Variants in CADPS observed in about 807,000 individuals in gnomAD.
The protein encoded by CADPS is calcium dependent secretion activator.
CADPS carries 57 observed loss-of-function variants against 167.3 expected under a neutral mutation model. The ratio of observed to expected loss-of-function variants is 0.34; its 90% CI spans 0.28 to 0.42. The LOEUF is 0.42. Ranked by LOEUF, CADPS falls within the 20% of genes least tolerant of loss-of-function variation. The probability of loss-of-function intolerance (pLI) is 1.00; values close to 1 mark genes in which losing one functional copy is unlikely to be tolerated. For missense variants in CADPS, 1,414 were observed against 1,738.1 expected (o/e 0.81, Z 3.32); for synonymous variants, 676 against 635.3 (o/e 1.06, Z -0.96).
At chr3:62,865,142 C>T (rs1276809038) in intron 1 of CADPS, among the ~76,000 whole-genome samples, 1 of 152,140 alleles carries the variant, frequency 6.6e-6, no homozygotes, top group Non-Finnish European at 1.5e-5. Context: ...GGATATACTT[C>T]AACTCATTTG....
At chr3:62,427,973 A>G (rs1446386450) in intron 28 of CADPS, among the ~76,000 whole-genome samples, 2 of 152,220 alleles carry the variant, frequency 1.3e-5, no homozygotes, top group African/African-American at 4.8e-5. Flanking sequence ...CAAGACCTGG[A>G]GCTTTGTTGG....
rs139255066 is a variant in CADPS at position 62,831,817 on chromosome 3, T to C, written c.441+42772A>G. Among the ~76,000 whole-genome samples the C allele has an allele frequency of 3.5e-4, 54 of 152,312 alleles. 1 individual carries two copies. Among genetic ancestry groups the C allele is most frequent in the African/African-American group, 1.3e-3 (52 of 41,580 alleles). On this transcript the variant is annotated intron_variant, in intron 1 of 29. Transcript: ENST00000383710. ...TGAATTGACCACTTACACAGTGCTA[T>C]AAGCCTAACTAAATCTTTGTATTAA...
intron 28 of CADPS, among the ~76,000 whole-genome samples, chr3:62,436,123 A>G (rs2054979491): frequency 1.3e-5 from 2 of 152,144 alleles, no homozygotes; most frequent in Non-Finnish European, 2.9e-5. Context: ...AAGAGCCACA[A>G]AAGAGATAAT....
At chr3:62,490,208 C>G (rs2063473493) in intron 21 of CADPS, among the ~76,000 whole-genome samples, 1 of 152,060 alleles carries the variant, frequency 6.6e-6, no homozygotes, top group Non-Finnish European at 1.5e-5. Flanking sequence ...TTCTGGAGTT[C>G]CTAAAATGTG....
chr3:62,766,160 T>G (rs746175884), intron 1 of CADPS, among the ~76,000 whole-genome samples, 176 bp from the exon 2 acceptor site: 1 of 152,172 alleles, frequency 6.6e-6, no homozygotes, highest in Non-Finnish European at 1.5e-5. Context: ...ACACAGCCAT[T>G]ATTTTAAAAT....
In CADPS at chr3:62,536,507, G is replaced by C; in HGVS notation, c.2041C>G (p.Leu681Val). 1 of 1,613,348 alleles carries C rather than the reference G, an allele frequency of 6.2e-7. No individual in the cohort carries two copies. ...GTAAGGCGTTGTACCATCTCAAAGA[G>C]GGAAGCGTGGTCAAAGTTACAGGGG... Reference protein sequence around the residue: ...SNPCNFDHASLFEMVQRLTLD... With the variant: ...SNPCNFDHASVFEMVQRLTLD... Residue 681 changes from leucine to valine, a missense_variant, in exon 12 of 30, where the codon CTC (leucine) becomes GTC (valine). Leu to Val is a conservative substitution (Grantham distance 32). Around this residue, in one of 6 missense-constraint regions of CADPS, gnomAD observed 529 missense variants for 629.6 expected, o/e 0.84. Transcript: ENST00000383710.
chr3:62,844,405 T>C, intron 1 of CADPS, among the ~76,000 whole-genome samples: 1 of 152,174 alleles, frequency 6.6e-6, no homozygotes, highest in Non-Finnish European at 1.5e-5. Flanking sequence ...TTTGACATAA[T>C]TGCCTGTTCC....
rs150198726 is a variant in CADPS, at chr3:62,540,275, C to T, written c.1967-3694G>A. On this transcript the variant is annotated intron_variant, in intron 11 of 29. Transcript: ENST00000383710. Reference sequence around the variant, plus strand: ...CCCCTGTATAACCAATTCCTATGTCCTGTTTCTGTGTTTTCATTGGGTTAT... The same window carrying T: ...CCCCTGTATAACCAATTCCTATGTCTTGTTTCTGTGTTTTCATTGGGTTAT... Among the ~76,000 whole-genome samples, 182 of 151,714 alleles carry T rather than the reference C, an allele frequency of 1.2e-3. 1 individual carries two copies. Among genetic ancestry groups the T allele is most frequent in the African/African-American group, 4.3e-3 (176 of 41,358 alleles).
intron 6 of CADPS, among the ~76,000 whole-genome samples, chr3:62,631,152 A>AT (rs2065208451): frequency 6.6e-6 from 1 of 151,660 alleles, no homozygotes; most frequent in African/African-American, 2.4e-5. Flanking sequence ...ACACACACTT[A>AT]TTTTTTCTAT....
chr3:62,874,880 G>C lies in CADPS; in HGVS notation c.150C>G (p.Gly50=). ...CCCCGGCTCCGGCGCCGGCGCCGCC[G>C]CCCCCCAGCCCGGCGCTGCCGGCCG... ...EGSAGSAGLG[G]GGAGAGAGVG... The change falls in exon 1 of 30, where the codon GGC becomes GGG. Residue 50 remains glycine (G), a synonymous_variant. Transcript: ENST00000383710. This position sits in a 1 kb window ranked among gnomAD's most constrained non-coding sequence, Gnocchi z 7.1. 2.5e-6 allele frequency: 3 copies of C among 1,189,866 alleles called. No individual in the cohort carries two copies. Among genetic ancestry groups the C allele is most frequent in the Non-Finnish European group, 3.1e-6 (3 of 961,872 alleles). The allele number at this position is 1,189,866 out of a possible 1,614,324, so 73.7% of individuals were successfully genotyped here.
At chr3:62,859,156 T>C (rs2080274600) in intron 1 of CADPS, among the ~76,000 whole-genome samples, 1 of 152,202 alleles carries the variant, frequency 6.6e-6, no homozygotes, top group Non-Finnish European at 1.5e-5. Context: ...AATTTGGGCA[T>C]ATACAATATA....
intron 1 of CADPS, among the ~76,000 whole-genome samples, chr3:62,853,152 C>G (rs552841877): frequency 1.3e-5 from 2 of 152,128 alleles, no homozygotes; most frequent in African/African-American, 4.8e-5. Flanking sequence ...GGAAATGTCA[C>G]TGTGATCAAT....
chr3:62,484,470 T>C (rs2062511544), intron 21 of CADPS, among the ~76,000 whole-genome samples: 1 of 152,194 alleles, frequency 6.6e-6, no homozygotes, highest in Non-Finnish European at 1.5e-5. Context: ...TATGCATCTC[T>C]GAGAGAATCA....
rs1251062716 is a variant in CADPS, at chr3:62,420,541, A to C, written c.3778-17356T>G. 6.6e-6 allele frequency among the ~76,000 whole-genome samples: 1 copy of C among 152,128 alleles called. No individual in the cohort carries two copies. Among genetic ancestry groups the C allele is most frequent in the Non-Finnish European group, 1.5e-5 (1 of 68,030 alleles). ...GAGGGAAGATGGCAGCAGATTGGGG[A>C]GAGCATGGCAGGCAGCACAGGTGGA... is the stretch of plus-strand genomic sequence containing the variant. On this transcript the variant is annotated intron_variant, in intron 28 of 29. Transcript: ENST00000383710. The surrounding 1 kb of genome is among the most constrained non-coding windows in gnomAD (Gnocchi z 4.1).
chr3:62,520,980 C>T lies in CADPS; in HGVS notation c.2292-2730G>A, dbSNP rs1399735649. Among the ~76,000 whole-genome samples, 4 of 152,260 alleles carry T rather than the reference C, an allele frequency of 2.6e-5. No individual in the cohort carries two copies. In the East Asian group the frequency reaches 7.7e-4, roughly 29 times the overall value. Reference sequence around the variant, plus strand: ...ACTATTAACTGAAAAATTCAGGTTACATGCTTTGGAGAGTACTGTTTTTTC... The same window carrying T: ...ACTATTAACTGAAAAATTCAGGTTATATGCTTTGGAGAGTACTGTTTTTTC... On this transcript the variant is annotated intron_variant, in intron 13 of 29. Coordinates refer to ENST00000383710, the MANE Select transcript of CADPS (RefSeq NM_003716.4).
intron 18 of CADPS, among the ~76,000 whole-genome samples, chr3:62,496,721 C>A (rs2064863730): frequency 6.6e-6 from 1 of 152,204 alleles, no homozygotes; most frequent in African/African-American, 2.4e-5. Flanking sequence ...CAAAGCCAAA[C>A]TTCTCTGGCA....
At chr3:62,510,504 A>G (rs2067583241) in intron 17 of CADPS, among the ~76,000 whole-genome samples, 1 of 152,190 alleles carries the variant, frequency 6.6e-6, no homozygotes, top group South Asian at 2.1e-4. Context: ...ATTCATTTGC[A>G]GGAGTCACAG....
chr3:62,684,874 G>T (rs965971821), intron 3 of CADPS, among the ~76,000 whole-genome samples: 1 of 151,906 alleles, frequency 6.6e-6, no homozygotes, highest in Non-Finnish European at 1.5e-5. Flanking sequence ...CTGGGAAAGG[G>T]GCTTTCAGAC....
chr3:62,594,042 A>G (rs17066678), intron 6 of CADPS, among the ~76,000 whole-genome samples: 5,827 of 152,320 alleles, frequency 0.038, 401 homozygotes, highest in African/African-American at 0.13. Flanking sequence ...AAAACAGCAT[A>G]GATACAATTT....
Sources: gnomAD v4.1 joint callset for allele counts (sites outside exome capture counted in the v4.1 genomes callset) on GRCh38, gnomAD v4.1.1 for gene constraint, gnomAD v4.1.1 regional missense constraint, Gnocchi (gnomAD v3.1) non-coding constraint, MANE v1.5 for transcripts, NCBI Gene and HGNC (gene_info 2026-07-23, HGNC 2026-07-21) for gene names.